ADK: variants seen among roughly 807,000 people sequenced by gnomAD.
ADK encodes adenosine kinase.
In ADK, 24 loss-of-function variants were observed where a neutral mutation model predicts 44.7. That is an observed-to-expected ratio of 0.54 (90% CI 0.39 to 0.76). The LOEUF (loss-of-function observed/expected upper bound fraction) is 0.76. Ranked by LOEUF, ADK falls within the 30% of genes least tolerant of loss-of-function variation. The pLI is 0.00. For synonymous variants in ADK, 128 were observed against 142.6 expected, an observed-to-expected ratio of 0.90 and a Z score of 0.73; for missense variants, 321 against 425.1, an observed-to-expected ratio of 0.76 and a Z score of 2.15.
At chr10:74,302,117 T>G (rs58080856) in intron 3 of ADK, among the ~76,000 whole-genome samples, 924 of 42,700 alleles carry the variant, frequency 0.022, 74 homozygotes, top group Middle Eastern at 0.049. Flanking sequence ...TTGTTTTTTT[T>G]TTTTTTTTTT....
chr10:74,704,033 A>G (rs1287992768), intron 10 of ADK, among the ~76,000 whole-genome samples: 1 of 152,220 alleles, frequency 6.6e-6, no homozygotes, highest in Non-Finnish European at 1.5e-5. Context: ...TTAAAAATCT[A>G]AACTAAGATT....
Position 74,478,556 on chromosome 10 carries a change from C to T in ADK, c.556-46700C>T, listed in dbSNP as rs545157964. ...AATGATACTTTGAAGAACCTGAGCA[C>T]GCACATATATTTCTTCCCTCTTTGT... On this transcript the variant is annotated intron_variant, in intron 6 of 10. Coordinates refer to ENST00000539909, the MANE Select transcript of ADK (RefSeq NM_006721.4). Among the ~76,000 whole-genome samples the T allele has an allele frequency of 1.8e-4, 28 of 152,222 alleles. No individual in the cohort carries two copies. In the South Asian group the frequency reaches 2.7e-3, roughly 15 times the overall value.
intron 4 of ADK, among the ~76,000 whole-genome samples, chr10:74,329,899 C>T (rs929779617): frequency 5.3e-5 from 8 of 152,072 alleles, no homozygotes; most frequent in South Asian, 2.1e-4. Flanking sequence ...TGATGGCTCA[C>T]GCTTATAATC....
At chr10:74,218,412 C>T (rs566433296) in intron 2 of ADK, among the ~76,000 whole-genome samples, 92 of 152,184 alleles carry the variant, frequency 6.0e-4, no homozygotes, top group African/African-American at 2.0e-3. Flanking sequence ...CTGAAAGTGA[C>T]GGGGAGAATG....
intron 8 of ADK, among the ~76,000 whole-genome samples, chr10:74,594,313 A>G (rs920470869): frequency 5.3e-5 from 8 of 152,108 alleles, no homozygotes; most frequent in African/African-American, 1.7e-4. Flanking sequence ...CTGCACAGGT[A>G]TCCCAGAAAT....
chr10:74,503,933 C>T (rs117855771), intron 6 of ADK, among the ~76,000 whole-genome samples: 2 of 152,286 alleles, frequency 1.3e-5, no homozygotes, highest in African/African-American at 4.8e-5. Context: ...ACTTTGCTCT[C>T]CAGAATCCCA....
At chr10:74,478,573 C>T (rs1407426665) in intron 6 of ADK, among the ~76,000 whole-genome samples, 2 of 152,066 alleles carry the variant, frequency 1.3e-5, no homozygotes, top group African/African-American at 4.8e-5. Context: ...ATATTTCTTC[C>T]CTCTTTGTTA....
chr10:74,368,040 C>T (rs540051571), intron 4 of ADK, among the ~76,000 whole-genome samples: 1 of 152,136 alleles, frequency 6.6e-6, no homozygotes, highest in Non-Finnish European at 1.5e-5. Context: ...TAAACAGAAA[C>T]ATACATTTTA....
At chr10:74,226,926 A>T (rs1844564735) in intron 3 of ADK, among the ~76,000 whole-genome samples, 1 of 152,224 alleles carries the variant, frequency 6.6e-6, no homozygotes, top group African/African-American at 2.4e-5. Context: ...ATACCAAAGA[A>T]AACTTTCAGT....
rs537794538 is a variant in ADK at position 74,281,259 on chromosome 10, T to C, written c.195-33408T>C. Among the ~76,000 whole-genome samples the C allele has an allele frequency of 2.6e-5, 4 of 152,386 alleles. No homozygotes were observed. In the East Asian group the frequency reaches 5.8e-4, roughly 22 times the overall value. The stretch of plus-strand genomic sequence containing the variant: ...ACTTAACAGATACCCATGTGCTTTA[T>C]GGGAAGTTGAGTTCTTCTTATGCTC... On this transcript the variant is annotated intron_variant, in intron 3 of 10. Coordinates refer to ENST00000539909, the MANE Select transcript of ADK (RefSeq NM_006721.4).
intron 6 of ADK, among the ~76,000 whole-genome samples, chr10:74,517,185 C>T (rs919412801): frequency 2.0e-5 from 3 of 152,106 alleles, no homozygotes; most frequent in Non-Finnish European, 4.4e-5. Flanking sequence ...CATCTTTTCC[C>T]CTAGAAATAG....
intron 6 of ADK, among the ~76,000 whole-genome samples, chr10:74,436,358 G>A (rs964485637): frequency 1.1e-4 from 17 of 152,058 alleles, no homozygotes; most frequent in African/African-American, 4.1e-4. Flanking sequence ...AGTGAGCCAA[G>A]ATCATGCCAC....
intron 1 of ADK, among the ~76,000 whole-genome samples, chr10:74,184,501 TTGTGTGTGTGTG>T (rs67693938): frequency 1.9e-4 from 26 of 138,506 alleles, no homozygotes; most frequent in African/African-American, 3.3e-4. Context: ...TGGCTATATT[TTGTGTGTGTGTG>T]TGTGTGTGTG....
At chr10:74,615,208 G>T (rs1852704002) in intron 9 of ADK, among the ~76,000 whole-genome samples, 1 of 152,008 alleles carries the variant, frequency 6.6e-6, no homozygotes, top group South Asian at 2.1e-4. Flanking sequence ...TTTTTCTGTA[G>T]CCCAATAGTG....
At chr10:74,700,151 A>C (rs1424900927) in intron 10 of ADK, among the ~76,000 whole-genome samples, 2 of 152,228 alleles carry the variant, frequency 1.3e-5, no homozygotes. Flanking sequence ...TAGGAGATAG[A>C]TTAAACTACA....
chr10:74,553,203 T>G (rs1179030967), intron 7 of ADK, among the ~76,000 whole-genome samples: 3 of 124,152 alleles, frequency 2.4e-5, no homozygotes, highest in Non-Finnish European at 5.0e-5. Flanking sequence ...TTTTTTTTTT[T>G]TTTTTTTTTT....
intron 9 of ADK, among the ~76,000 whole-genome samples, chr10:74,659,465 T>C (rs1854614419): frequency 6.6e-6 from 1 of 152,080 alleles, no homozygotes; most frequent in Non-Finnish European, 1.5e-5. Context: ...CCACAAACAA[T>C]GATGTAGAGG....
intron 6 of ADK, among the ~76,000 whole-genome samples, chr10:74,516,534 T>C (rs1224786658): frequency 1.3e-5 from 2 of 151,640 alleles, no homozygotes; most frequent in African/African-American, 2.4e-5. Context: ...TTTTCTTTTT[T>C]TTTTTTTGAG....
chr10:74,301,755 C>T (rs1001280860), intron 3 of ADK, among the ~76,000 whole-genome samples: 4 of 152,000 alleles, frequency 2.6e-5, no homozygotes, highest in African/African-American at 9.7e-5. Context: ...ACAAAGAAAG[C>T]TTTCTGACCC....
Sources: allele counts gnomAD v4.1 joint callset (sites outside exome capture counted in the v4.1 genomes callset), GRCh38; gene constraint gnomAD v4.1.1; transcripts MANE v1.5; gene names NCBI Gene and HGNC (gene_info 2026-07-23, HGNC 2026-07-21).